Variants in DST observed in about 807,000 individuals in gnomAD.
DST encodes dystonin, also known as bullous pemphigoid antigen.
DST carries 253 observed loss-of-function variants against 875.2 expected under a neutral mutation model. The observed-to-expected ratio is 0.29, with a 90% CI of 0.26 to 0.32. DST has a LOEUF of 0.32. DST is among the 10% of genes least tolerant of loss of function. DST has a pLI of 1.00. For synonymous variants in DST, 3,124 were observed against 3,197.1 expected, an observed-to-expected ratio of 0.98 and a Z score of 0.77; for missense variants, 8,287 against 9,111.6, an observed-to-expected ratio of 0.91 and a Z score of 3.68.
intron 3 of DST, among the ~76,000 whole-genome samples, chr6:56,889,238 G>A (rs1239449503): frequency 1.3e-5 from 2 of 152,136 alleles, no homozygotes; most frequent in African/African-American, 4.8e-5. Context: ...CATCTTCCAT[G>A]AAATCCAGAC....
chr6:56,725,347 T>C (rs1190805921), intron 5 of DST, among the ~76,000 whole-genome samples: 1 of 152,220 alleles, frequency 6.6e-6, no homozygotes, highest in African/African-American at 2.4e-5. Flanking sequence ...CTGAATCTAT[T>C]TGACATTCCA....
intron 3 of DST, among the ~76,000 whole-genome samples, chr6:56,860,776 C>G (rs1431112118): frequency 6.6e-6 from 1 of 152,206 alleles, no homozygotes; most frequent in African/African-American, 2.4e-5. Flanking sequence ...GACACAGAAA[C>G]TAGAAGTTAT....
chr6:56,697,211 C>T (rs1036201314), intron 9 of DST, among the ~76,000 whole-genome samples: 17 of 152,130 alleles, frequency 1.1e-4, no homozygotes, highest in African/African-American at 3.9e-4. Flanking sequence ...TTCCTACACC[C>T]TCTATGCCCT....
At chr6:56,830,514 A>T (rs953378121) in intron 4 of DST, among the ~76,000 whole-genome samples, 1 of 152,186 alleles carries the variant, frequency 6.6e-6, no homozygotes, top group Admixed American at 6.5e-5. Context: ...TTCCCCAAGT[A>T]CTTACATGGT....
rs9475718 is a variant in DST at position 56,560,052 on chromosome 6, T to G, written c.14440+242A>C. Among the ~76,000 whole-genome samples the G allele has an allele frequency of 0.094, 14,373 of 152,164 alleles. 1,341 individuals carry two copies. The highest frequency in any genetic ancestry group is 0.24 in the African/African-American group (9,782 of 41,500). ...ACTCCATGCACAGCACTTCATTAAC[T>G]AGTATCTACCTTCTTCATAAAAATA... On this transcript the variant is annotated intron_variant, in intron 58 of 103. Transcript: ENST00000680361.
At chr6:56,742,284 C>G in intron 4 of DST, 1 of 1,289,428 alleles carries the variant, frequency 7.8e-7, no homozygotes, top group Non-Finnish European at 1.0e-6. Context: ...TACAGCACAT[C>G]AGTCCCACCA....
intron 69 of DST, among the ~76,000 whole-genome samples, chr6:56,526,030 T>G (rs979377554): frequency 5.9e-5 from 9 of 152,188 alleles, no homozygotes; most frequent in African/African-American, 2.2e-4. Context: ...TTAGACTTAG[T>G]CAATACATAA....
intron 3 of DST, among the ~76,000 whole-genome samples, chr6:56,886,881 T>G (rs922589030): frequency 6.6e-6 from 1 of 152,124 alleles, no homozygotes; most frequent in Non-Finnish European, 1.5e-5. Flanking sequence ...TTCCATAGAT[T>G]GATTTTTTTG....
intron 78 of DST, among the ~76,000 whole-genome samples, chr6:56,503,624 C>CACACACACAT (rs1389616092): frequency 6.6e-6 from 1 of 151,510 alleles, no homozygotes; most frequent in South Asian, 2.1e-4. Context: ...CACACACACA[C>CACACACACAT]ACACCCCATG....
Position 56,472,162 on chromosome 6 carries a change from T to G in DST, c.22055A>C (p.Lys7352Thr). Residue 7352 changes from lysine (K) to threonine (T), a missense_variant, in exon 94 of 104, where the codon AAA (lysine) becomes ACA (threonine). Coordinates refer to ENST00000680361, the MANE Select transcript of DST (RefSeq NM_001374736.1). The stretch of plus-strand genomic sequence containing the variant: ...CACCAGTAAGTTTACCCTAGGATTT[T>G]TGGTTTCAATTTGTGTCTGTGACCC... ...PSGSQTQIET[K>T]NPRVNLLVSK... 3 of 1,613,900 alleles carry G rather than the reference T, an allele frequency of 1.9e-6. No homozygotes were observed. Among genetic ancestry groups the G allele is most frequent in the Non-Finnish European group, 2.5e-6 (3 of 1,179,836 alleles).
At chr6:56,692,962 CTCT>C (rs1258711206) in intron 9 of DST, 6 of 1,289,670 alleles carry the variant, frequency 4.7e-6, no homozygotes, top group Non-Finnish European at 5.1e-6. Flanking sequence ...CTGACTGCTG[CTCT>C]TCTTCTTGCC....
intron 2 of DST, among the ~76,000 whole-genome samples, chr6:56,938,924 G>A (rs1311215279): frequency 6.6e-6 from 1 of 152,244 alleles, no homozygotes; most frequent in Admixed American, 6.5e-5. Context: ...CAGACCAAGT[G>A]CCCAACTGGG....
rs151271595 is a variant in DST at position 56,640,283 on chromosome 6, G to T, written c.2350C>A (p.Pro784Thr). Residue 784 changes from proline to threonine, a missense_variant, in exon 18 of 104, where the codon CCA becomes ACA. Physicochemically the swap from Pro to Thr is conservative, Grantham distance 38 (BLOSUM62 -1). This residue lies in a region of DST where 1,160 missense variants were observed against 1,424.3 expected (regional missense o/e 0.81). Transcript: ENST00000680361. The stretch of plus-strand genomic sequence containing the variant: ...AACTTCAAAGTTTGCAATGAATTTG[G>T]CTCTACTCCTGAACTGAAATTTGGA... ...LVPNFSSGVE[P>T]NSLQTLKLMQ... The T allele has an allele frequency of 1.2e-6, 2 of 1,614,108 alleles. No homozygotes were observed. The highest frequency in any genetic ancestry group is 1.7e-6 in the Non-Finnish European group (2 of 1,179,992).
Position 56,597,737 on chromosome 6 carries a change from C to A in DST, c.12195+3G>T. 3 of 1,612,576 alleles carry A rather than the reference C, an allele frequency of 1.9e-6. No individual in the cohort carries two copies. Among genetic ancestry groups the A allele is most frequent in the Non-Finnish European group, 2.5e-6 (3 of 1,178,928 alleles). On this transcript the variant is annotated splice_donor_region_variant and intron_variant, in intron 47 of 103. Transcript: ENST00000680361. ...ACGATATCATATGTTTATAACAACA[C>A]ACCTTAACTTTCTGATATTGCTGAT... is the stretch of plus-strand genomic sequence containing the variant.
intron 9 of DST, among the ~76,000 whole-genome samples, chr6:56,675,368 C>T (rs966598306): frequency 1.3e-5 from 2 of 152,030 alleles, no homozygotes; most frequent in Admixed American, 6.6e-5. Flanking sequence ...GGATATGACT[C>T]CAAAAGCACA....
At position 56,619,574 on chromosome 6, in the gene DST, ACTT is replaced by A. The variant is rs1376976159; in HGVS notation, c.4929+4953_4929+4955del. Reference sequence around the variant, plus strand: ...AGCATGTGCCCTTGTGATTCTGTCTACTTCTCTTTGTAGTTTCCCTTTTTCATG... The same window carrying A: ...AGCATGTGCCCTTGTGATTCTGTCTACTCTTTGTAGTTTCCCTTTTTCATG... On this transcript the variant is annotated intron_variant, in intron 36 of 103. Transcript: ENST00000680361. The A allele has an allele frequency of 1.9e-6, 3 of 1,613,932 alleles. No individual in the cohort carries two copies. In the South Asian group the frequency reaches 3.3e-5, roughly 18 times the overall value.
chr6:56,537,412 C>A (rs1183968801), intron 61 of DST, among the ~76,000 whole-genome samples: 1 of 152,230 alleles, frequency 6.6e-6, no homozygotes, highest in East Asian at 1.9e-4. Context: ...GCTTGAGACT[C>A]ACATTGGAAA....
chr6:56,668,774 A>C lies in DST; in HGVS notation c.1214+1867T>G, dbSNP rs578102156. 4.0e-4 allele frequency among the ~76,000 whole-genome samples: 60 copies of C among 151,886 alleles called. 1 individual carries two copies. The South Asian group carries it at 0.011, about 28-fold the overall frequency. ...CAAGAACAAAATTCCGTCTCAAAAA[A>C]TTAATTAATTAATTAAATAAAATAA... is the stretch of plus-strand genomic sequence containing the variant. On this transcript the variant is annotated intron_variant, in intron 10 of 103. Coordinates refer to ENST00000680361, the MANE Select transcript of DST (RefSeq NM_001374736.1).
chr6:56,938,108 C>CTCTCTCTCTCTA (rs1383243392), intron 2 of DST, among the ~76,000 whole-genome samples: 88 of 120,740 alleles, frequency 7.3e-4, no homozygotes, highest in African/African-American at 3.0e-3. Flanking sequence ...CTCTCTCTCT[C>CTCTCTCTCTCTA]TATATATATA....
Sources: allele counts gnomAD v4.1 joint callset (sites outside exome capture counted in the v4.1 genomes callset), GRCh38; gene constraint gnomAD v4.1.1; regional missense constraint gnomAD v4.1.1; transcripts MANE v1.5; gene names NCBI Gene and HGNC (gene_info 2026-07-23, HGNC 2026-07-21).